The following LGSN variants were observed in gnomAD, a reference collection of about 807,000 sequenced individuals.
The protein encoded by LGSN is lengsin, lens protein with glutamine synthetase domain.
A neutral mutation model predicts 19.5 loss-of-function variants in LGSN; 21 were observed. The ratio of observed to expected loss-of-function variants is 1.07; its 90% CI spans 0.76 to 1.55. The LOEUF (loss-of-function observed/expected upper bound fraction) is 1.55, where lower values mean the gene tolerates loss of function less well. LGSN is among the 40% of genes most tolerant of loss of function. The probability of loss-of-function intolerance (pLI) is 0.00; values close to 1 mark genes in which losing one functional copy is unlikely to be tolerated. For missense variants in LGSN, 673 were observed against 608.5 expected, an observed-to-expected ratio of 1.11 and a Z score of -1.12; for synonymous variants, 257 against 215.6, an observed-to-expected ratio of 1.19 and a Z score of -1.68.
chr6:63,311,153 G>C (rs1301570258), intron 1 of LGSN, among the ~76,000 whole-genome samples: 1 of 152,130 alleles, frequency 6.6e-6, no homozygotes, highest in Non-Finnish European at 1.5e-5. Flanking sequence ...TTTATCTCCT[G>C]TTACAATTCT....
the LGSN span, among the ~76,000 whole-genome samples, chr6:63,529,949 T>C: frequency 6.6e-6 from 1 of 152,194 alleles, no homozygotes; most frequent in Non-Finnish European, 1.5e-5. Context: ...TTACAAATAG[T>C]TATGTAATTT....
the LGSN span, among the ~76,000 whole-genome samples, chr6:63,566,020 G>A: frequency 6.6e-6 from 1 of 152,208 alleles, no homozygotes; most frequent in South Asian, 2.1e-4. Flanking sequence ...GAAGCCACAT[G>A]CATTTTTTGG....
At position 63,280,989 on chromosome 6, in the gene LGSN, C is replaced by T; in HGVS notation, c.562G>A (p.Ala188Thr). 1 of 1,614,102 alleles carries T rather than the reference C, an allele frequency of 6.2e-7. No homozygotes were observed. The highest frequency in any genetic ancestry group is 1.1e-5 in the South Asian group (1 of 91,084). The change falls in exon 4 of 4, where the codon GCA (alanine) becomes ACA (threonine). Residue 188 changes from alanine (A) to threonine (T), a missense_variant. Transcript: ENST00000370657. The stretch of plus-strand genomic sequence containing the variant: ...TGCAGATGGCTCAGCTGCCTCTTTG[C>T]AATGTACCTTGGGGAAGTCAAAAGA... ...EPLLTSPRYI[A>T]KRQLSHLQAS...
At chr6:63,533,819 C>T in the LGSN span, among the ~76,000 whole-genome samples, 1 of 146,648 alleles carries the variant, frequency 6.8e-6, no homozygotes. Context: ...TAGCAAATTC[C>T]TGAACAAACT....
chr6:63,419,399 G>A, the LGSN span, among the ~76,000 whole-genome samples: 201 of 152,268 alleles, frequency 1.3e-3, no homozygotes, highest in Middle Eastern at 3.4e-3. Flanking sequence ...AAGGAGGAAA[G>A]ATGGTCTCCC....
chr6:63,362,732 A>T, the LGSN span, among the ~76,000 whole-genome samples: 1 of 152,240 alleles, frequency 6.6e-6, no homozygotes, highest in Non-Finnish European at 1.5e-5. Context: ...CCGCAGTTCA[A>T]GGAGGCCTGC....
At chr6:63,310,889 A>G (rs1377232236) in intron 1 of LGSN, among the ~76,000 whole-genome samples, 1 of 152,200 alleles carries the variant, frequency 6.6e-6, no homozygotes, top group Non-Finnish European at 1.5e-5. Context: ...AGAACTCTCT[A>G]GTGAAGGTTT....
At chr6:63,318,557 T>A (rs981024921) in intron 1 of LGSN, among the ~76,000 whole-genome samples, 1 of 152,184 alleles carries the variant, frequency 6.6e-6, no homozygotes, top group Non-Finnish European at 1.5e-5. Flanking sequence ...AATGCTCTAT[T>A]CCAACTTTGA....
chr6:63,523,854 T>C, the LGSN span, among the ~76,000 whole-genome samples: 2 of 152,208 alleles, frequency 1.3e-5, no homozygotes, highest in African/African-American at 2.4e-5. Flanking sequence ...TATAGCACTC[T>C]GTGTCTGAAT....
the LGSN span, among the ~76,000 whole-genome samples, chr6:63,363,344 G>T: frequency 1.3e-5 from 2 of 152,190 alleles, no homozygotes; most frequent in African/African-American, 4.8e-5. Flanking sequence ...GCTGGACAGA[G>T]AATGACTTTG....
chr6:63,420,206 A>AC, the LGSN span, among the ~76,000 whole-genome samples: 2 of 151,412 alleles, frequency 1.3e-5, no homozygotes, highest in African/African-American at 4.8e-5. Context: ...GCGTCTCAAA[A>AC]AAAAAAAAAA....
intron 1 of LGSN, among the ~76,000 whole-genome samples, chr6:63,298,644 C>T (rs965386783): frequency 6.6e-6 from 1 of 152,166 alleles, no homozygotes; most frequent in African/African-American, 2.4e-5. Context: ...TTTTGTCTAT[C>T]CCATACCTCT....
At chr6:63,511,340 G>C in the LGSN span, among the ~76,000 whole-genome samples, 1 of 146,320 alleles carries the variant, frequency 6.8e-6, no homozygotes, top group East Asian at 2.1e-4. Context: ...TGAAACCTCC[G>C]CCTCCTATGT....
chr6:63,327,390 T>G, the LGSN span, among the ~76,000 whole-genome samples: 1 of 152,206 alleles, frequency 6.6e-6, no homozygotes, highest in Non-Finnish European at 1.5e-5. Flanking sequence ...TATAAGAATT[T>G]GAAAGGTGTT....
At chr6:63,358,171 T>G in the LGSN span, among the ~76,000 whole-genome samples, 1 of 152,240 alleles carries the variant, frequency 6.6e-6, no homozygotes, top group South Asian at 2.1e-4. Flanking sequence ...CTGAGGGCTC[T>G]GTTCTGTTCC....
the LGSN span, among the ~76,000 whole-genome samples, chr6:63,353,632 A>G: frequency 6.6e-6 from 1 of 151,732 alleles, no homozygotes; most frequent in Admixed American, 6.6e-5. Flanking sequence ...TTTCACAGAA[A>G]TTGAAAAAAC....
chr6:63,334,197 T>C, the LGSN span, among the ~76,000 whole-genome samples: 1 of 152,166 alleles, frequency 6.6e-6, no homozygotes, highest in Admixed American at 6.5e-5. Flanking sequence ...CCTTTGCAGA[T>C]GACATGATCT....
chr6:63,510,452 C>CTTTTT, the LGSN span, among the ~76,000 whole-genome samples: 1 of 124,276 alleles, frequency 8.0e-6, no homozygotes, highest in Non-Finnish European at 1.7e-5. Context: ...GACTACCTTT[C>CTTTTT]TTTTTTTTTT....
the LGSN span, among the ~76,000 whole-genome samples, chr6:63,351,969 TAAAG>T: frequency 1.6e-4 from 24 of 152,174 alleles, no homozygotes; most frequent in Admixed American, 4.6e-4. Flanking sequence ...TTCCAATGTA[TAAAG>T]AAAGAATTTC....
Sources: gnomAD v4.1 joint callset for allele counts (sites outside exome capture counted in the v4.1 genomes callset) on GRCh38, gnomAD v4.1.1 for gene constraint, MANE v1.5 for transcripts, NCBI Gene and HGNC (gene_info 2026-07-23, HGNC 2026-07-21) for gene names.